PDZRN4: variants seen among roughly 807,000 people sequenced by gnomAD.
PDZRN4 encodes PDZ domain-containing RING finger protein 4.
A neutral mutation model predicts 99.0 loss-of-function variants in PDZRN4; 70 were observed. That is an observed-to-expected ratio of 0.71 (90% confidence interval 0.58 to 0.86). The LOEUF (loss-of-function observed/expected upper bound fraction) is 0.86, where lower values mean the gene tolerates loss of function less well. Ranked by LOEUF, PDZRN4 falls within the 40% of genes least tolerant of loss-of-function variation. PDZRN4 has a pLI of 0.00. For synonymous variants in PDZRN4, 551 were observed against 501.6 expected, an observed-to-expected ratio of 1.10 and a Z score of -1.32; for missense variants, 1,474 against 1,331.2, an observed-to-expected ratio of 1.11 and a Z score of -1.67.
At chr12:41,483,157 T>C (rs972962204) in intron 3 of PDZRN4, among the ~76,000 whole-genome samples, 7 of 152,030 alleles carry the variant, frequency 4.6e-5, no homozygotes, top group Non-Finnish European at 1.0e-4. Context: ...TTTTATATTT[T>C]CCCCTCTTTA....
intron 3 of PDZRN4, among the ~76,000 whole-genome samples, chr12:41,396,696 G>C (rs1268924067): frequency 1.3e-5 from 2 of 152,086 alleles, no homozygotes; most frequent in Non-Finnish European, 2.9e-5. Flanking sequence ...AATCACATTT[G>C]TGATTAAACT....
intron 3 of PDZRN4, among the ~76,000 whole-genome samples, chr12:41,326,949 A>G (rs1304133346): frequency 2.0e-5 from 3 of 152,208 alleles, no homozygotes; most frequent in Admixed American, 6.5e-5. Flanking sequence ...ATGACATATT[A>G]TTTGCTCCCG....
intron 3 of PDZRN4, among the ~76,000 whole-genome samples, chr12:41,489,525 C>T (rs1406113405): frequency 1.3e-5 from 2 of 152,048 alleles, no homozygotes; most frequent in Admixed American, 6.6e-5. Flanking sequence ...ATGAACTTAC[C>T]TCTATGTTTG....
At chr12:41,490,600 A>C (rs569684478) in intron 3 of PDZRN4, among the ~76,000 whole-genome samples, 1 of 151,976 alleles carries the variant, frequency 6.6e-6, no homozygotes, top group South Asian at 2.1e-4. Flanking sequence ...TTTTATATTT[A>C]TTATTGCATT....
chr12:41,262,961 GTA>G (rs147075301), intron 3 of PDZRN4, among the ~76,000 whole-genome samples: 1 of 150,980 alleles, frequency 6.6e-6, no homozygotes. Flanking sequence ...CTGTATATAT[GTA>G]TATATATATA....
At chr12:41,361,221 TAAAC>T (rs1029827240) in intron 3 of PDZRN4, among the ~76,000 whole-genome samples, 1 of 152,044 alleles carries the variant, frequency 6.6e-6, no homozygotes, top group Non-Finnish European at 1.5e-5. Context: ...CAAAAGTACA[TAAAC>T]AAATAATTAT....
chr12:41,286,549 T>C (rs1322161322), intron 3 of PDZRN4, among the ~76,000 whole-genome samples: 2 of 152,158 alleles, frequency 1.3e-5, no homozygotes, highest in African/African-American at 2.4e-5. Context: ...AATGGCTGTT[T>C]CACAATCCCA....
intron 3 of PDZRN4, among the ~76,000 whole-genome samples, chr12:41,220,021 A>T (rs1377591093): frequency 1.3e-5 from 2 of 152,124 alleles, no homozygotes; most frequent in African/African-American, 4.8e-5. Flanking sequence ...AGTCAGAAAG[A>T]TCTGTGCCCA....
At chr12:41,336,117 C>T (rs542924440) in intron 3 of PDZRN4, among the ~76,000 whole-genome samples, 4 of 152,214 alleles carry the variant, frequency 2.6e-5, no homozygotes, top group African/African-American at 7.2e-5. Flanking sequence ...GCGGACGCAA[C>T]ACAATCCATT....
chr12:41,200,444 G>T (rs147982993), intron 3 of PDZRN4, among the ~76,000 whole-genome samples: 7 of 152,206 alleles, frequency 4.6e-5, no homozygotes, highest in African/African-American at 1.7e-4. Context: ...ATACCATTGA[G>T]TGTGTTAAGC....
rs149736537 is a variant in PDZRN4, at chr12:41,493,901, TGG to T, written c.844-12546_844-12545del. Among the ~76,000 whole-genome samples, 5 of 138,486 alleles carry T rather than the reference TGG, an allele frequency of 3.6e-5. 1 individual carries two copies. The highest frequency in any genetic ancestry group is 5.2e-4 in the South Asian group (2 of 3,860). 90.9% of individuals were successfully genotyped at this position (138,486 alleles called of 152,430 possible). A position where few individuals can be genotyped will look rare whatever the true frequency, so the allele number is the denominator to read the frequency against. On this transcript the variant is annotated intron_variant, in intron 3 of 9. Transcript: ENST00000402685. ...TGATTCACTTATATTAAAAAAATAATGGGGGGGGGGATTCTCTTTACCGAAGT... is the reference window on the plus strand; with the variant it reads ...TGATTCACTTATATTAAAAAAATAATGGGGGGGGATTCTCTTTACCGAAGT...
Position 41,572,825 on chromosome 12 carries a change from T to A in PDZRN4, c.2046T>A (p.Asn682Lys), listed in dbSNP as rs764238639. The change falls in exon 10 of 10, where the codon AAT (asparagine) becomes AAA (lysine). Residue 682 changes from asparagine to lysine, a missense_variant. Physicochemically the swap from Asn to Lys is moderately conservative, Grantham distance 94. Coordinates refer to ENST00000402685, the MANE Select transcript of PDZRN4 (RefSeq NM_001164595.2). ...GAAACATTGAGCTTGAGTGTCAGAA[T>A]ATCATGCAGGCTCACAGGCTCCAGA... ...ELRNIELECQ[N>K]IMQAHRLQKV... The A allele has an allele frequency of 6.2e-7, 1 of 1,614,142 alleles. No individual in the cohort carries two copies.
intron 3 of PDZRN4, among the ~76,000 whole-genome samples, chr12:41,384,292 G>C (rs1278340835): frequency 2.0e-5 from 3 of 151,830 alleles, no homozygotes; most frequent in Non-Finnish European, 4.4e-5. Flanking sequence ...ATTTCTTCCA[G>C]GTACAGAAAA....
chr12:41,334,878 C>T (rs539904563), intron 3 of PDZRN4, among the ~76,000 whole-genome samples: 1 of 151,740 alleles, frequency 6.6e-6, no homozygotes, highest in South Asian at 2.1e-4. Flanking sequence ...TTTTTCAAAC[C>T]GCTATATATT....
At chr12:41,317,618 G>A (rs1207817161) in intron 3 of PDZRN4, among the ~76,000 whole-genome samples, 1 of 151,954 alleles carries the variant, frequency 6.6e-6, no homozygotes, top group Non-Finnish European at 1.5e-5. Flanking sequence ...GAAACCCTGT[G>A]GAAATTATTT....
intron 3 of PDZRN4, among the ~76,000 whole-genome samples, chr12:41,503,247 A>G (rs1938141655): frequency 6.6e-6 from 1 of 152,188 alleles, no homozygotes; most frequent in Non-Finnish European, 1.5e-5. Flanking sequence ...ATGAAAATAG[A>G]GGTCAGCTGC....
intron 5 of PDZRN4, among the ~76,000 whole-genome samples, chr12:41,551,754 T>A (rs1200112629): frequency 6.6e-6 from 1 of 152,198 alleles, no homozygotes; most frequent in Admixed American, 6.5e-5. Flanking sequence ...ATATTCTACA[T>A]CCAATAGGAA....
chr12:41,544,112 G>C (rs1043362215), intron 5 of PDZRN4, among the ~76,000 whole-genome samples: 115 of 152,182 alleles, frequency 7.6e-4, no homozygotes, highest in Admixed American at 7.4e-3. Context: ...GGAATGTTTG[G>C]TACATAATAA....
At chr12:41,232,438 T>C (rs1463143120) in intron 3 of PDZRN4, among the ~76,000 whole-genome samples, 1 of 152,086 alleles carries the variant, frequency 6.6e-6, no homozygotes, top group African/African-American at 2.4e-5. Flanking sequence ...GTTCATCGGC[T>C]GCATCCTCAA....
Sources: gnomAD v4.1 joint callset for allele counts (sites outside exome capture counted in the v4.1 genomes callset) on GRCh38, gnomAD v4.1.1 for gene constraint, MANE v1.5 for transcripts, NCBI Gene and HGNC (gene_info 2026-07-23, HGNC 2026-07-21) for gene names.